CAST: variants seen among roughly 807,000 people sequenced by gnomAD.
CAST encodes the protein calpastatin, also known as MIR583 host.
CAST carries 76 observed loss-of-function variants against 119.6 expected under a neutral mutation model. The ratio of observed to expected loss-of-function variants is 0.64; its 90% CI spans 0.53 to 0.77. The LOEUF (loss-of-function observed/expected upper bound fraction) is 0.77. Among genes scored for constraint, CAST ranks in the 30% least tolerant of loss-of-function variants. The probability of loss-of-function intolerance (pLI) is 0.00; values close to 1 mark genes in which losing one functional copy is unlikely to be tolerated. For synonymous variants in CAST, 319 were observed against 331.6 expected (o/e 0.96, Z 0.41); for missense variants, 953 against 946.5 (o/e 1.01, Z -0.09).
chr5:96,586,400 T>A (rs1390035057), intron 1 of CAST, among the ~76,000 whole-genome samples: 6 of 152,274 alleles, frequency 3.9e-5, no homozygotes, highest in African/African-American at 7.2e-5. Flanking sequence ...GGTGGCTTTT[T>A]AATTTAGTGG....
the CAST span, among the ~76,000 whole-genome samples, chr5:96,513,696 A>C: frequency 6.6e-6 from 1 of 152,244 alleles, no homozygotes; most frequent in Non-Finnish European, 1.5e-5. Flanking sequence ...TTCCAAGAGA[A>C]AATGAAAGTC....
chr5:96,306,689 A>C, the CAST span, among the ~76,000 whole-genome samples: 1 of 151,808 alleles, frequency 6.6e-6, no homozygotes, highest in Non-Finnish European at 1.5e-5. Flanking sequence ...TTTATTTCTG[A>C]CTTAATTTTA....
chr5:96,750,282 T>C (rs1414394524), intron 19 of CAST, among the ~76,000 whole-genome samples: 1 of 152,214 alleles, frequency 6.6e-6, no homozygotes, highest in Non-Finnish European at 1.5e-5. Flanking sequence ...CATTGTCTTA[T>C]ATAGGCCTCT....
intron 3 of CAST, among the ~76,000 whole-genome samples, chr5:96,704,758 A>G (rs550559912): frequency 2.0e-4 from 30 of 152,316 alleles, no homozygotes; most frequent in African/African-American, 7.0e-4. Context: ...AGTTTTTCTG[A>G]TACATAGAAT....
At chr5:96,258,410 A>G in the CAST span, among the ~76,000 whole-genome samples, 4 of 152,238 alleles carry the variant, frequency 2.6e-5, no homozygotes, top group African/African-American at 4.8e-5. Flanking sequence ...TGAAAAAATC[A>G]TAGTCATTGA....
At chr5:96,660,062 C>G (rs1465474257), upstream of CAST, among the ~76,000 whole-genome samples, 1 of 152,282 alleles carries the variant, frequency 6.6e-6, no homozygotes, top group South Asian at 2.1e-4. Flanking sequence ...ATTTTGATAC[C>G]TAATATATCA....
At position 96,753,807 on chromosome 5, in the gene CAST, C is replaced by T. The variant is rs2290675; in HGVS notation, c.1525-253C>T. ...ATTGTCTTTCTTATTTCTAAACCAA[C>T]TCTGGGTCAGGTCTCGTAAGTTTCA... On this transcript the variant is annotated intron_variant, in intron 20 of 31. Coordinates refer to ENST00000675179, the MANE Select transcript of CAST (RefSeq NM_001750.7). Among the ~76,000 whole-genome samples the T allele has an allele frequency of 0.094, 14,290 of 152,246 alleles. 803 individuals carry two copies. Among genetic ancestry groups the T allele is most frequent in the African/African-American group, 0.14 (5,986 of 41,530 alleles).
the CAST span, among the ~76,000 whole-genome samples, chr5:96,206,521 T>C: frequency 2.0e-5 from 3 of 152,282 alleles, no homozygotes; most frequent in East Asian, 1.9e-4. Flanking sequence ...CTTCTGCATA[T>C]GGCTAGCCAG....
the CAST span, among the ~76,000 whole-genome samples, chr5:95,962,642 ATAGAGAATTGAGCTTCGAGGT>A: frequency 6.6e-6 from 1 of 152,174 alleles, no homozygotes; most frequent in African/African-American, 2.4e-5. Flanking sequence ...GCATGGTATA[ATAGAGAATTGAGCTTCGAGGT>A]CTTTCCTACG....
the CAST span, among the ~76,000 whole-genome samples, chr5:96,497,941 A>C: frequency 3.0e-4 from 45 of 152,128 alleles, no homozygotes; most frequent in African/African-American, 8.7e-4. Flanking sequence ...TTGCCCATGC[A>C]TATGTCCTGA....
chr5:96,193,290 A>G, the CAST span, among the ~76,000 whole-genome samples: 1 of 152,184 alleles, frequency 6.6e-6, no homozygotes, highest in Admixed American at 6.5e-5. Context: ...TATATTTACT[A>G]TGATATCATG....
At chr5:96,350,956 A>G in the CAST span, among the ~76,000 whole-genome samples, 1 of 152,162 alleles carries the variant, frequency 6.6e-6, no homozygotes, top group East Asian at 1.9e-4. Flanking sequence ...AACCTTGGTA[A>G]CCATGTCATG....
chr5:96,374,793 G>T, the CAST span, among the ~76,000 whole-genome samples: 2 of 152,162 alleles, frequency 1.3e-5, no homozygotes, highest in African/African-American at 4.8e-5. Flanking sequence ...GCCACAGAGA[G>T]ATAGATTTTC....
At chr5:96,549,460 G>C (rs947817276) in intron 1 of CAST, among the ~76,000 whole-genome samples, 1 of 152,178 alleles carries the variant, frequency 6.6e-6, no homozygotes, top group Non-Finnish European at 1.5e-5. Context: ...CTGGTCTATA[G>C]TTCCCAGTGA....
In CAST at chr5:96,631,297, T is replaced by C. The variant is rs912787228; in HGVS notation, c.61-44242T>C. On this transcript the variant is annotated intron_variant, in intron 1 of 11. Transcript: ENST00000505143. ...ATTCCCATGCCCTGGCAACCACTAA[T>C]CTACTTTCTATCTCTATAAATTTGG... Among the ~76,000 whole-genome samples, 3 of 140,950 alleles carry C rather than the reference T, an allele frequency of 2.1e-5. 1 individual carries two copies. Among genetic ancestry groups the C allele is most frequent in the African/African-American group, 7.5e-5 (3 of 39,906 alleles). 92.5% of individuals were successfully genotyped at this position (140,950 alleles called of 152,430 possible).
chr5:96,747,417 T>C (rs764859875), intron 18 of CAST, 25 bp downstream of exon 18: 3 of 1,459,220 alleles, frequency 2.1e-6, no homozygotes, highest in Admixed American at 1.7e-5. Context: ...TTTTTTCTGA[T>C]ACTTAAAGAA....
chr5:96,412,583 G>T, the CAST span: 1 of 1,211,034 alleles, frequency 8.3e-7, no homozygotes, highest in Non-Finnish European at 1.2e-6. Flanking sequence ...ATTTTTAAAG[G>T]ATTTTAAGAG....
the CAST span, among the ~76,000 whole-genome samples, chr5:96,386,077 T>A: frequency 3.9e-5 from 6 of 152,376 alleles, no homozygotes; most frequent in South Asian, 1.2e-3. Flanking sequence ...GTTTTTACGA[T>A]TCTTGTGAGA....
chr5:96,222,108 C>A, the CAST span, among the ~76,000 whole-genome samples: 2 of 151,784 alleles, frequency 1.3e-5, no homozygotes, highest in Non-Finnish European at 2.9e-5. Context: ...AAGAATCAAC[C>A]CAAGATGGAT....
Sources: gnomAD v4.1 joint callset for allele counts (sites outside exome capture counted in the v4.1 genomes callset) on GRCh38, gnomAD v4.1.1 for gene constraint, MANE v1.5 for transcripts, NCBI Gene and HGNC (gene_info 2026-07-23, HGNC 2026-07-21) for gene names.